CENPV: variants seen among roughly 807,000 people sequenced by gnomAD.
CENPV encodes the protein nuclear protein p30.
CENPV carries 15 observed loss-of-function variants against 26.4 expected under a neutral mutation model. The observed-to-expected ratio is 0.57, with a 90% CI of 0.38 to 0.88. The LOEUF (loss-of-function observed/expected upper bound fraction) is 0.88, where lower values mean the gene tolerates loss of function less well. Ranked by LOEUF, CENPV falls within the 40% of genes least tolerant of loss-of-function variation. The pLI, the probability that CENPV is intolerant of heterozygous loss-of-function variation, is 0.00. For missense variants in CENPV, 336 were observed against 376.5 expected (o/e 0.89, Z 0.89); for synonymous variants, 172 against 165.5 (o/e 1.04, Z -0.30).
chr17:16,353,432 C>T lies in CENPV; in HGVS notation c.5G>A (p.Arg2Gln). The change falls in exon 1 of 5, where the codon CGG becomes CAG. Residue 2 changes from arginine to glutamine, a missense_variant. By Grantham distance (43) the Arg-to-Gln change is conservative. This residue lies in a region of CENPV where 181 missense variants were observed against 148.8 expected (regional missense o/e 1.22). Transcript: ENST00000299736. Reference sequence around the variant, plus strand: ...GGCGGCCGCAGAGCTCCTCGATCGCCGCATGGCTCCCGCAGCCTGGCGCGC... The same window carrying T: ...GGCGGCCGCAGAGCTCCTCGATCGCTGCATGGCTCCCGCAGCCTGGCGCGC... M[R>Q]RSRSSAAAKL... 1 of 1,150,478 alleles carries T rather than the reference C, an allele frequency of 8.7e-7. No individual in the cohort carries two copies. Among genetic ancestry groups the T allele is most frequent in the Non-Finnish European group, 1.1e-6 (1 of 937,350 alleles). The allele number at this position is 1,150,478 out of a possible 1,614,324, so 71.3% of individuals were successfully genotyped here.
At chr17:16,352,466 C>A (rs1477322386) in intron 1 of CENPV, among the ~76,000 whole-genome samples, 1 of 152,012 alleles carries the variant, frequency 6.6e-6, no homozygotes, top group African/African-American at 2.4e-5. Flanking sequence ...GCGCTTCTCT[C>A]CCGGATCAAT....
At chr17:16,348,594 G>A (rs1437022086) in intron 3 of CENPV, 22 bp downstream of exon 3, 1 of 1,613,668 alleles carries the variant, frequency 6.2e-7, no homozygotes, top group African/African-American at 1.3e-5. Flanking sequence ...TGCACTCCTT[G>A]ACCCTGCTCT....
chr17:16,352,337 A>G (rs951977849), intron 1 of CENPV, among the ~76,000 whole-genome samples: 3 of 152,180 alleles, frequency 2.0e-5, no homozygotes, highest in Non-Finnish European at 2.9e-5. Context: ...CGGGCCATCT[A>G]AAAGACTGCG....
chr17:16,351,700 A>T (rs1441759733), intron 1 of CENPV: 2 of 152,258 alleles, frequency 1.3e-5, no homozygotes, highest in Non-Finnish European at 2.9e-5. Flanking sequence ...GTACAAAGTC[A>T]TGGCAATCTA....
intron 3 of CENPV, chr17:16,348,385 G>C: frequency 9.5e-7 from 1 of 1,053,328 alleles, no homozygotes; most frequent in Non-Finnish European, 1.2e-6. Flanking sequence ...CTCAACTCCT[G>C]ACTTCAGGTG....
intron 1 of CENPV, chr17:16,351,180 C>G (rs3095174): frequency 0.36 from 54,749 of 152,034 alleles, 11,549 homozygotes; most frequent in East Asian, 0.69. Context: ...ATCCACCCGC[C>G]TCGGCCTCCC....
Position 16,353,380 on chromosome 17 carries a change from C to CCCGGAGGCT in CENPV, c.56_57insAGCCTCCGG (p.Gly19_Ser21dup), listed in dbSNP as rs1568871659. 9.0e-6 allele frequency: 11 copies of CCCGGAGGCT among 1,226,680 alleles called. No homozygotes were observed. Among genetic ancestry groups the CCCGGAGGCT allele is most frequent in the Non-Finnish European group, 5.1e-6 (5 of 987,502 alleles). 76.0% of individuals were successfully genotyped at this position (1,226,680 alleles called of 1,614,324 possible). On this transcript the variant is annotated inframe_insertion, in exon 1 of 5. Transcript: ENST00000299736. The stretch of plus-strand genomic sequence containing the variant: ...CGGAGGCCGCGGGGGCCGCGGAGGC[C>CCCGGAGGCT]CCGGACCGCTTCTGCCCGCGCAGCT...
chr17:16,345,249 G>A lies in CENPV; in HGVS notation c.580-538C>T, dbSNP rs550324379. Among the ~76,000 whole-genome samples the A allele has an allele frequency of 4.2e-3, 586 of 139,214 alleles. 10 individuals carry two copies. The highest frequency in any genetic ancestry group is 0.015 in the African/African-American group (549 of 36,010). 91.3% of individuals were successfully genotyped at this position (139,214 alleles called of 152,430 possible). ...GGCACTCCAGCCTGGGCAACAGAGC[G>A]AGACTCCGTCTCAAAAAAAAAAAAA... On this transcript the variant is annotated intron_variant, in intron 3 of 4. Transcript: ENST00000299736.
intron 1 of CENPV, among the ~76,000 whole-genome samples, 188 bp downstream of exon 1, chr17:16,352,839 G>A (rs887623553): frequency 1.3e-5 from 2 of 151,504 alleles, no homozygotes; most frequent in South Asian, 2.1e-4. Flanking sequence ...TAGAAGCACC[G>A]CCCCGCCCCG....
intron 3 of CENPV, among the ~76,000 whole-genome samples, chr17:16,345,128 GGCA>G (rs1273899365): frequency 3.3e-5 from 5 of 151,932 alleles, no homozygotes; most frequent in African/African-American, 1.2e-4. Context: ...CGGGTGTGGT[GGCA>G]GGCGCCTGTA....
At chr17:16,346,655 G>A (rs2093207734) in intron 3 of CENPV, among the ~76,000 whole-genome samples, 2 of 152,004 alleles carry the variant, frequency 1.3e-5, no homozygotes, top group Non-Finnish European at 1.5e-5. Context: ...GGAGGCTGAA[G>A]CAGGAGAATC....
Position 16,353,465 on chromosome 17 carries a change from G to A in CENPV, c.-29C>T. On this transcript the variant is annotated 5_prime_UTR_variant, in exon 1 of 5. Transcript: ENST00000299736. ...TCCCGCAGCCTGGCGCGCAGGCCTC[G>A]CAGCGCGGCGCGCCCCCGCCGGCCT... is the stretch of plus-strand genomic sequence containing the variant. The A allele has an allele frequency of 7.7e-6, 8 of 1,042,424 alleles. No individual in the cohort carries two copies. Among genetic ancestry groups the A allele is most frequent in the Non-Finnish European group, 9.2e-6 (8 of 869,378 alleles). 64.6% of individuals were successfully genotyped at this position (1,042,424 alleles called of 1,614,324 possible).
At chr17:16,350,678 G>A (rs1294697310) in intron 1 of CENPV, 9 of 152,094 alleles carry the variant, frequency 5.9e-5, no homozygotes, top group African/African-American at 2.2e-4. Flanking sequence ...GCACGAAGGA[G>A]AGAACACTAA....
Position 16,346,732 on chromosome 17 carries a change from C to G in CENPV, c.579+1884G>C, listed in dbSNP as rs1307267311. Among the ~76,000 whole-genome samples, 3 of 151,224 alleles carry G rather than the reference C, an allele frequency of 2.0e-5. No homozygotes were observed. The South Asian group carries it at 6.3e-4, about 32-fold the overall frequency. On this transcript the variant is annotated intron_variant, in intron 3 of 4. Coordinates refer to ENST00000299736, the MANE Select transcript of CENPV (RefSeq NM_181716.3). ...CACCACTGCACTCCAGCCTGGGCAA[C>G]AGAGTGAGACTGTCTCAAAAAAAAA... is the stretch of plus-strand genomic sequence containing the variant.
intron 3 of CENPV, among the ~76,000 whole-genome samples, chr17:16,345,875 C>T (rs772710878): frequency 1.5e-4 from 23 of 152,146 alleles, no homozygotes; most frequent in Non-Finnish European, 2.1e-4. Context: ...GATGGCTGTG[C>T]TTAATTTATC....
intron 4 of CENPV, 26 bp from the exon 5 acceptor site, chr17:16,342,967 G>A (rs748554307): frequency 3.5e-5 from 57 of 1,613,866 alleles, no homozygotes; most frequent in Non-Finnish European, 4.5e-5. Context: ...ACAGACAAAG[G>A]GGGATCCTCA....
rs2093234076 is a variant in CENPV at position 16,352,961 on chromosome 17, G to A, written c.410+66C>T. 1.2e-5 allele frequency: 18 copies of A among 1,455,096 alleles called. No homozygotes were observed. In the South Asian group the frequency reaches 2.3e-4, roughly 19 times the overall value. The allele number at this position is 1,455,096 out of a possible 1,614,324, so 90.1% of individuals were successfully genotyped here. ...CCCAAGGCCTGCACGCGGGCTGCGA[G>A]CCCGACTCCTGCCGAGGGGGTCCGC... On this transcript the variant is annotated intron_variant, in intron 1 of 4. Transcript: ENST00000299736.
rs557724597 is a variant in CENPV at position 16,345,016 on chromosome 17, C to T, written c.580-305G>A. ...TCGAACTCCTGACCTCATGATTCAC[C>T]CACCTTGGCCTCCCAAAGTGCTGGG... is the stretch of plus-strand genomic sequence containing the variant. On this transcript the variant is annotated intron_variant, in intron 3 of 4. Transcript: ENST00000299736. 2.6e-5 allele frequency among the ~76,000 whole-genome samples: 4 copies of T among 152,136 alleles called. No homozygotes were observed. The East Asian group carries it at 7.8e-4, about 30-fold the overall frequency.
At position 16,344,429 on chromosome 17, in the gene CENPV, C is replaced by T. The variant is rs1013389738; in HGVS notation, c.694+168G>A. The T allele has an allele frequency of 5.7e-5, 22 of 383,192 alleles. 1 individual carries two copies. The East Asian group carries it at 8.7e-4, about 15-fold the overall frequency. The allele number at this position is 383,192 out of a possible 1,614,324, so 23.7% of individuals were successfully genotyped here. ...TCAGAAAAGTTTCACCGGAGCCCGA[C>T]TCACATTCTATCATGTGGAAAGCGC... is the stretch of plus-strand genomic sequence containing the variant. On this transcript the variant is annotated intron_variant, in intron 4 of 4. Transcript: ENST00000299736.
Sources: allele counts gnomAD v4.1 joint callset (sites outside exome capture counted in the v4.1 genomes callset), GRCh38; gene constraint gnomAD v4.1.1; regional missense constraint gnomAD v4.1.1; transcripts MANE v1.5; gene names NCBI Gene and HGNC (gene_info 2026-07-23, HGNC 2026-07-21).